The following CNTNAP2 variants were observed in gnomAD, a reference collection of about 807,000 sequenced individuals.
CNTNAP2 encodes the protein contactin-associated protein-like 2.
Under a neutral mutation model 155.2 loss-of-function variants are expected in CNTNAP2, and 98 were observed. The observed-to-expected ratio is 0.63, with a 90% CI of 0.54 to 0.75. The LOEUF (loss-of-function observed/expected upper bound fraction) is 0.75. CNTNAP2 is among the 30% of genes least tolerant of loss of function. CNTNAP2 has a pLI of 0.00. For missense variants in CNTNAP2, 1,727 were observed against 1,688.1 expected (o/e 1.02, Z -0.40); for synonymous variants, 651 against 631.2 (o/e 1.03, Z -0.47).
At chr7:146,786,249 AT>A (rs1802572016) in intron 2 of CNTNAP2, among the ~76,000 whole-genome samples, 1 of 127,406 alleles carries the variant, frequency 7.8e-6, no homozygotes, top group South Asian at 2.4e-4. Flanking sequence ...CTTTTTCTTT[AT>A]TTTACTTATT....
At chr7:147,167,332 C>T (rs73154393) in intron 8 of CNTNAP2, 11,001 of 580,804 alleles carry the variant, frequency 0.019, 155 homozygotes, top group South Asian at 0.041. Flanking sequence ...TATTATAACA[C>T]TGACTGTTTC....
chr7:148,228,594 C>T (rs768282316), intron 19 of CNTNAP2, among the ~76,000 whole-genome samples: 44 of 152,010 alleles, frequency 2.9e-4, no homozygotes, highest in Admixed American at 6.5e-4. Flanking sequence ...GAGGCTGAGG[C>T]TGGCAGATGA....
chr7:147,663,964 T>C (rs1306055916), intron 13 of CNTNAP2, among the ~76,000 whole-genome samples: 2 of 152,254 alleles, frequency 1.3e-5, no homozygotes, highest in African/African-American at 4.8e-5. Flanking sequence ...AGTCACTTTG[T>C]TAAGCTCTCT....
chr7:146,666,719 T>A (rs1800201841), intron 1 of CNTNAP2, among the ~76,000 whole-genome samples: 1 of 152,198 alleles, frequency 6.6e-6, no homozygotes, highest in Non-Finnish European at 1.5e-5. Context: ...TATCACATTG[T>A]GGTTTTAATT....
At chr7:146,502,224 AATATATATATATAT>A (rs59759183) in intron 1 of CNTNAP2, among the ~76,000 whole-genome samples, 5,332 of 94,780 alleles carry the variant, frequency 0.056, 140 homozygotes, top group Non-Finnish European at 0.065. Flanking sequence ...TATATATATG[AATATATATATATAT>A]ATATATATAT....
intron 1 of CNTNAP2, among the ~76,000 whole-genome samples, chr7:146,732,269 C>A (rs1159698363): frequency 6.6e-6 from 1 of 152,098 alleles, no homozygotes; most frequent in African/African-American, 2.4e-5. Context: ...GACATAAAAG[C>A]TTATTATACA....
At chr7:146,878,418 C>T (rs1274783306) in intron 3 of CNTNAP2, among the ~76,000 whole-genome samples, 1 of 151,154 alleles carries the variant, frequency 6.6e-6, no homozygotes, top group African/African-American at 2.4e-5. Flanking sequence ...TAAGACTCTA[C>T]ATTTTCCCTT....
At chr7:147,645,687 A>G (rs923990236) in intron 13 of CNTNAP2, among the ~76,000 whole-genome samples, 9 of 152,336 alleles carry the variant, frequency 5.9e-5, no homozygotes, top group African/African-American at 1.7e-4. Context: ...GAGTAGGAGA[A>G]TAAGTCAACA....
Position 146,777,903 on chromosome 7 carries a change from ATT to A in CNTNAP2, c.208+3532_208+3533del, listed in dbSNP as rs71165038. ...AATAGCCAGCATTGAGAGAAAAGAGATTTTTTTTTTTAAGTATAGCATGATGT... is the reference window on the plus strand; with the variant it reads ...AATAGCCAGCATTGAGAGAAAAGAGATTTTTTTTTAAGTATAGCATGATGT... On this transcript the variant is annotated intron_variant, in intron 2 of 23. Coordinates refer to ENST00000361727, the MANE Select transcript of CNTNAP2 (RefSeq NM_014141.6). Among the ~76,000 whole-genome samples the A allele has an allele frequency of 1.1e-3, 171 of 150,164 alleles. 1 individual carries two copies. Among genetic ancestry groups the A allele is most frequent in the African/African-American group, 3.3e-3 (134 of 41,070 alleles).
At position 146,594,305 on chromosome 7, in the gene CNTNAP2, A is replaced by G. The variant is rs140298453; in HGVS notation, c.98-179966A>G. 6.5e-3 allele frequency among the ~76,000 whole-genome samples: 992 copies of G among 152,212 alleles called. 8 individuals carry two copies. The highest frequency in any genetic ancestry group is 0.023 in the African/African-American group (948 of 41,556). ...AATAATCCATCTTGTCATGTTCCAT[A>G]TGTAGCCTTCCAGGCTTTTCCAGAT... On this transcript the variant is annotated intron_variant, in intron 1 of 23. Coordinates refer to ENST00000361727, the MANE Select transcript of CNTNAP2 (RefSeq NM_014141.6).
chr7:148,180,695 C>A (rs988357413), intron 18 of CNTNAP2, among the ~76,000 whole-genome samples: 4 of 152,152 alleles, frequency 2.6e-5, no homozygotes, highest in Admixed American at 2.6e-4. Flanking sequence ...AAGCAAGTTA[C>A]CCTAGAGCAG....
chr7:146,936,029 A>G (rs1433966062), intron 3 of CNTNAP2, among the ~76,000 whole-genome samples: 2 of 152,272 alleles, frequency 1.3e-5, no homozygotes, highest in Admixed American at 6.5e-5. Context: ...AGAAATGACA[A>G]GAGCTGAAAG....
In CNTNAP2 at chr7:146,740,047, G is replaced by A. The variant is rs575449744; in HGVS notation, c.98-34224G>A. ...ATGTGTATTTTTACAGGCAAAGTGA[G>A]TTTCCCATAGACATACCATTTAAAT... On this transcript the variant is annotated intron_variant, in intron 1 of 23. Transcript: ENST00000361727. Among the ~76,000 whole-genome samples, 5 of 152,032 alleles carry A rather than the reference G, an allele frequency of 3.3e-5. No homozygotes were observed. The South Asian group carries it at 1.0e-3, about 32-fold the overall frequency.
rs1462213306 is a variant in CNTNAP2, at chr7:147,520,667, T to A, written c.1777+34626T>A. Among the ~76,000 whole-genome samples, 7 of 152,226 alleles carry A rather than the reference T, an allele frequency of 4.6e-5. No individual in the cohort carries two copies. In the South Asian group the frequency reaches 1.4e-3, roughly 31 times the overall value. The stretch of plus-strand genomic sequence containing the variant: ...CTAAGAGAAGATGACATAGGCCTAC[T>A]GCTTATCAAGAGCATTTGACCCTAA... On this transcript the variant is annotated intron_variant, in intron 11 of 23. Transcript: ENST00000361727.
chr7:147,169,232 A>C (rs1183584451), intron 8 of CNTNAP2, among the ~76,000 whole-genome samples: 1 of 152,188 alleles, frequency 6.6e-6, no homozygotes, highest in Non-Finnish European at 1.5e-5. Flanking sequence ...GAATCACAGA[A>C]CTTTGCCTAA....
At chr7:147,926,257 G>A (rs1800396553) in intron 14 of CNTNAP2, among the ~76,000 whole-genome samples, 2 of 152,154 alleles carry the variant, frequency 1.3e-5, no homozygotes, top group Admixed American at 1.3e-4. Flanking sequence ...CATCCTCCAT[G>A]ATGGACCTTG....
chr7:147,745,135 A>G (rs1797017298), intron 13 of CNTNAP2, among the ~76,000 whole-genome samples: 2 of 152,230 alleles, frequency 1.3e-5, no homozygotes, highest in African/African-American at 4.8e-5. Flanking sequence ...TTCCTTCTGC[A>G]GTGAAATTGC....
chr7:147,690,488 A>G (rs183281227), intron 13 of CNTNAP2, among the ~76,000 whole-genome samples: 2 of 152,234 alleles, frequency 1.3e-5, no homozygotes, highest in South Asian at 2.1e-4. Context: ...GGCATTTACG[A>G]TGATGGTGAC....
chr7:146,837,635 A>G (rs1035994102), intron 2 of CNTNAP2, among the ~76,000 whole-genome samples: 12 of 151,978 alleles, frequency 7.9e-5, no homozygotes, highest in Admixed American at 7.2e-4. Context: ...GATATACTTG[A>G]CATTATGGAT....
Sources: gnomAD v4.1 joint callset for allele counts (sites outside exome capture counted in the v4.1 genomes callset) on GRCh38, gnomAD v4.1.1 for gene constraint, MANE v1.5 for transcripts, NCBI Gene and HGNC (gene_info 2026-07-23, HGNC 2026-07-21) for gene names.